Variants in ENOX1 observed in about 807,000 individuals in gnomAD.
ENOX1 encodes the protein ecto-NOX disulfide-thiol exchanger 1.
ENOX1 carries 42 observed loss-of-function variants against 82.5 expected under a neutral mutation model. The observed-to-expected ratio is 0.51, with a 90% confidence interval of 0.40 to 0.66. The LOEUF is 0.66. ENOX1 is among the 30% of genes least tolerant of loss of function. ENOX1 has a pLI of 0.00. For synonymous variants in ENOX1, 271 were observed against 282.2 expected (o/e 0.96, Z 0.40); for missense variants, 608 against 811.6 (o/e 0.75, Z 3.05).
intron 3 of ENOX1, among the ~76,000 whole-genome samples, chr13:43,435,451 T>G (rs2055962426): frequency 6.6e-6 from 1 of 152,180 alleles, no homozygotes. Flanking sequence ...GATATCCTAT[T>G]GGCTCCTGTC....
At chr13:43,298,763 C>T (rs906873205) in intron 11 of ENOX1, among the ~76,000 whole-genome samples, 5 of 152,192 alleles carry the variant, frequency 3.3e-5, no homozygotes, top group Non-Finnish European at 7.3e-5. Context: ...CTTATGGGCA[C>T]AGGATTAATT....
rs534096904 is a variant in ENOX1 at position 43,353,017 on chromosome 13, C to T, written c.823+2902G>A. On this transcript the variant is annotated intron_variant, in intron 8 of 16. Transcript: ENST00000690772. The stretch of plus-strand genomic sequence containing the variant: ...CTCTTTGAGGCAGGGGCTTGTTCAC[C>T]GTTGTCCTTTCCACCACTGGCTAGG... 1.3e-3 allele frequency among the ~76,000 whole-genome samples: 201 copies of T among 152,302 alleles called. 5 individuals carry two copies. The South Asian group carries it at 0.04, about 30-fold the overall frequency.
chr13:43,429,329 C>T lies in ENOX1; in HGVS notation c.-74-16341G>A, dbSNP rs565360643. Among the ~76,000 whole-genome samples, 13 of 152,306 alleles carry T rather than the reference C, an allele frequency of 8.5e-5. No homozygotes were observed. The East Asian group carries it at 1.3e-3, about 16-fold the overall frequency. On this transcript the variant is annotated intron_variant, in intron 3 of 16. Coordinates refer to ENST00000690772, the MANE Select transcript of ENOX1 (RefSeq NM_001347969.2). ...CCTCTGAAAGAAATGCTTTCGACTA[C>T]GATGGCAGCAGCAAAAACTCTGTTA...
At chr13:43,401,114 A>G (rs1345645372) in intron 5 of ENOX1, among the ~76,000 whole-genome samples, 1 of 152,188 alleles carries the variant, frequency 6.6e-6, no homozygotes, top group Non-Finnish European at 1.5e-5. Flanking sequence ...CCAAATAATT[A>G]TAGGTTTTAT....
intron 12 of ENOX1, among the ~76,000 whole-genome samples, chr13:43,295,044 CTG>C (rs1566444602): frequency 6.6e-6 from 1 of 152,160 alleles, no homozygotes; most frequent in Non-Finnish European, 1.5e-5. Context: ...GGTTACGTGA[CTG>C]TATGCATTTG....
intron 10 of ENOX1, among the ~76,000 whole-genome samples, chr13:43,322,782 T>C (rs2047892134): frequency 6.6e-6 from 1 of 152,162 alleles, no homozygotes; most frequent in Non-Finnish European, 1.5e-5. Context: ...AAGCGGATAA[T>C]AACATCCACC....
intron 3 of ENOX1, among the ~76,000 whole-genome samples, chr13:43,445,476 A>G (rs2056604247): frequency 6.6e-6 from 1 of 152,040 alleles, no homozygotes; most frequent in South Asian, 2.1e-4. Context: ...TGCAATAACA[A>G]CAATGTCCCA....
chr13:43,517,238 T>C (rs2077588708), intron 2 of ENOX1, among the ~76,000 whole-genome samples: 1 of 152,186 alleles, frequency 6.6e-6, no homozygotes. Flanking sequence ...GGCTGAAGCC[T>C]GTAATCCCAG....
intron 2 of ENOX1, among the ~76,000 whole-genome samples, chr13:43,611,668 T>G (rs1365641599): frequency 6.6e-5 from 10 of 152,240 alleles, no homozygotes; most frequent in Non-Finnish European, 4.4e-5. Context: ...AGTTCAATCT[T>G]AAATCATTAT....
intron 12 of ENOX1, among the ~76,000 whole-genome samples, chr13:43,284,810 GT>G (rs2045596201): frequency 1.6e-5 from 2 of 128,674 alleles, no homozygotes; most frequent in South Asian, 2.5e-4. Flanking sequence ...GTGTGTGTGT[GT>G]GTAAGAGAGA....
chr13:43,455,581 C>A (rs868323628), intron 3 of ENOX1, among the ~76,000 whole-genome samples: 9 of 152,132 alleles, frequency 5.9e-5, no homozygotes, highest in Middle Eastern at 3.4e-3. Context: ...AAATATGGAA[C>A]CTCATGGATT....
chr13:43,214,147 T>C (rs1201532946), intron 16 of ENOX1, 26 bp from the exon 17 acceptor site: 2 of 1,608,972 alleles, frequency 1.2e-6, no homozygotes, highest in African/African-American at 2.7e-5. Context: ...GAAAGTCACT[T>C]TGGGGAAAGG....
intron 2 of ENOX1, among the ~76,000 whole-genome samples, chr13:43,662,818 G>GTA (rs768191813): frequency 4.6e-5 from 7 of 152,206 alleles, no homozygotes; most frequent in Non-Finnish European, 8.8e-5. Flanking sequence ...CCTTCAACAT[G>GTA]TGGATAGTCT....
chr13:43,639,280 C>T (rs372844912), intron 2 of ENOX1, among the ~76,000 whole-genome samples: 11 of 152,146 alleles, frequency 7.2e-5, no homozygotes, highest in Middle Eastern at 3.4e-3. Flanking sequence ...CCAACCTGGG[C>T]GGCAGAGTGA....
intron 2 of ENOX1, among the ~76,000 whole-genome samples, chr13:43,515,142 C>G (rs1379690582): frequency 6.6e-6 from 1 of 152,082 alleles, no homozygotes; most frequent in Non-Finnish European, 1.5e-5. Flanking sequence ...GAGGTGGGAC[C>G]AAAACACAGG....
chr13:43,758,065 A>G (rs1012712077), intron 1 of ENOX1, among the ~76,000 whole-genome samples: 8 of 151,942 alleles, frequency 5.3e-5, no homozygotes, highest in African/African-American at 1.5e-4. Flanking sequence ...TTGAAACCCA[A>G]TCTCTACTAA....
chr13:43,673,458 T>C (rs543484983), intron 1 of ENOX1, among the ~76,000 whole-genome samples: 1 of 152,322 alleles, frequency 6.6e-6, no homozygotes, highest in Admixed American at 6.5e-5. Context: ...TTTCATAGTT[T>C]ACAAGGATAA....
chr13:43,367,232 C>T (rs144192710), intron 5 of ENOX1, among the ~76,000 whole-genome samples: 8 of 152,286 alleles, frequency 5.3e-5, no homozygotes, highest in African/African-American at 1.9e-4. Flanking sequence ...GAAAAGGGGA[C>T]ATCTAAACCC....
intron 1 of ENOX1, among the ~76,000 whole-genome samples, chr13:43,744,006 C>T (rs1468348826): frequency 6.6e-6 from 1 of 151,560 alleles, no homozygotes; most frequent in African/African-American, 2.4e-5. Flanking sequence ...TCCATGAGGG[C>T]AAAGCCCTCA....
Sources: gnomAD v4.1 joint callset for allele counts (sites outside exome capture counted in the v4.1 genomes callset) on GRCh38, gnomAD v4.1.1 for gene constraint, MANE v1.5 for transcripts, NCBI Gene and HGNC (gene_info 2026-07-23, HGNC 2026-07-21) for gene names.